TMEM131: variants seen among roughly 807,000 people sequenced by gnomAD.
The protein encoded by TMEM131 is 2610524E03Rik.
Under a neutral mutation model 211.6 loss-of-function variants are expected in TMEM131, and 66 were observed. The ratio of observed to expected loss-of-function variants is 0.31; its 90% CI spans 0.26 to 0.38. The LOEUF is 0.38. Among genes scored for constraint, TMEM131 ranks in the 10% least tolerant of loss-of-function variants. The probability of loss-of-function intolerance (pLI) is 1.00; values close to 1 mark genes in which losing one functional copy is unlikely to be tolerated. For synonymous variants in TMEM131, 844 were observed against 841.3 expected, an observed-to-expected ratio of 1.00 and a Z score of -0.06; for missense variants, 2,036 against 2,299.3, an observed-to-expected ratio of 0.89 and a Z score of 2.34.
Position 97,795,236 on chromosome 2 carries a change from T to C in TMEM131, c.3201-121A>G, listed in dbSNP as rs905749694. 19 of 607,314 alleles carry C rather than the reference T, an allele frequency of 3.1e-5. No homozygotes were observed. The African/African-American group carries it at 3.4e-4, about 11-fold the overall frequency. 37.6% of individuals were successfully genotyped at this position (607,314 alleles called of 1,614,324 possible). A position where few individuals can be genotyped will look rare whatever the true frequency, so the allele number is the denominator to read the frequency against. On this transcript the variant is annotated intron_variant, in intron 28 of 40. Coordinates refer to ENST00000186436, the MANE Select transcript of TMEM131 (RefSeq NM_015348.2). ...CAGAATTTGCGTTTGATACTTTTAC[T>C]CAACTTCCGTATTTTAAGATGAAAA... is the stretch of plus-strand genomic sequence containing the variant.
intron 2 of TMEM131, among the ~76,000 whole-genome samples, chr2:97,918,182 G>A (rs1266253194): frequency 2.0e-5 from 3 of 151,964 alleles, no homozygotes; most frequent in Non-Finnish European, 4.4e-5. Flanking sequence ...GACCACAGGC[G>A]ATCCACCGGC....
chr2:97,948,218 T>TA (rs537867278), intron 1 of TMEM131, among the ~76,000 whole-genome samples: 4 of 152,122 alleles, frequency 2.6e-5, no homozygotes, highest in Non-Finnish European at 5.9e-5. Flanking sequence ...ATTTTTTTTT[T>TA]AGCTTTTACT....
rs1559374911 is a variant in TMEM131, at chr2:97,812,498, C to G, written c.1786G>C (p.Val596Leu). The part of the protein sequence containing the change: ...GDGLSIELVA[V>L]ERGNRTTIIS... ...ATTGTAGTTCTATTGCCTCTTTCCACAGCTACAAGTTCTATTGATAAACCG... is the reference window on the plus strand; with the variant it reads ...ATTGTAGTTCTATTGCCTCTTTCCAGAGCTACAAGTTCTATTGATAAACCG... Residue 596 changes from valine (V) to leucine (L), a missense_variant, in exon 17 of 41, where the codon GTG becomes CTG. Physicochemically the swap from Val to Leu is conservative, Grantham distance 32. This residue lies in a region of TMEM131 where 1,623 missense variants were observed against 1,805.9 expected (regional missense o/e 0.90). Transcript: ENST00000186436. 1 of 1,612,892 alleles carries G rather than the reference C, an allele frequency of 6.2e-7. No homozygotes were observed. Among genetic ancestry groups the G allele is most frequent in the African/African-American group, 1.3e-5 (1 of 74,864 alleles).
intron 11 of TMEM131, among the ~76,000 whole-genome samples, chr2:97,827,085 AAAAAAAT>A (rs1158322269): frequency 3.3e-5 from 5 of 152,108 alleles, no homozygotes; most frequent in African/African-American, 9.7e-5. Flanking sequence ...AAAAAAAAAA[AAAAAAAT>A]TTTAAAATCC....
intron 36 of TMEM131, 132 bp downstream of exon 36, chr2:97,761,903 C>T (rs1214513921): frequency 1.8e-6 from 2 of 1,093,422 alleles, no homozygotes; most frequent in Non-Finnish European, 2.5e-6. Context: ...AAAGGGTCCA[C>T]ACAAGCTGGC....
At chr2:97,895,817 C>T (rs902768284) in intron 3 of TMEM131, among the ~76,000 whole-genome samples, 3 of 152,130 alleles carry the variant, frequency 2.0e-5, no homozygotes, top group Non-Finnish European at 2.9e-5. Flanking sequence ...AAAAACACAG[C>T]TCCTGGATTC....
At chr2:97,849,538 A>C (rs766853208) in intron 5 of TMEM131, among the ~76,000 whole-genome samples, 2 of 152,154 alleles carry the variant, frequency 1.3e-5, no homozygotes, top group Non-Finnish European at 2.9e-5. Flanking sequence ...TGAGTTGACC[A>C]AATTGTTGAT....
At chr2:97,970,679 C>A (rs1057395822) in intron 1 of TMEM131, among the ~76,000 whole-genome samples, 1 of 152,152 alleles carries the variant, frequency 6.6e-6, no homozygotes, top group African/African-American at 2.4e-5. Flanking sequence ...GGCTTCTGGT[C>A]CCAGGATTGT....
chr2:97,941,778 C>T (rs1677742283), intron 1 of TMEM131, among the ~76,000 whole-genome samples: 2 of 152,118 alleles, frequency 1.3e-5, no homozygotes, highest in South Asian at 2.1e-4. Context: ...CAATGCAATA[C>T]CATCTCACAC....
chr2:97,964,880 C>T (rs1017917233), intron 1 of TMEM131, among the ~76,000 whole-genome samples: 1 of 152,208 alleles, frequency 6.6e-6, no homozygotes, highest in Non-Finnish European at 1.5e-5. Context: ...TCTTTACAAC[C>T]TCAGTCTCTT....
At position 97,757,830 on chromosome 2, in the gene TMEM131, C is replaced by T. The variant is rs1018981686; in HGVS notation, c.5368-447G>A. ...TGCAATGGCAGTGGTGAAGCATGGC[C>T]TTCAGAGCCTCAAATAGTTACTATC... On this transcript the variant is annotated intron_variant, in intron 40 of 40. Coordinates refer to ENST00000186436, the MANE Select transcript of TMEM131 (RefSeq NM_015348.2). 3.9e-5 allele frequency among the ~76,000 whole-genome samples: 6 copies of T among 152,370 alleles called. No individual in the cohort carries two copies. The East Asian group carries it at 1.2e-3, about 29-fold the overall frequency.
intron 1 of TMEM131, among the ~76,000 whole-genome samples, chr2:97,972,801 A>G (rs1679365238): frequency 1.3e-5 from 2 of 152,146 alleles, no homozygotes; most frequent in African/African-American, 4.8e-5. Flanking sequence ...GCACATAAGG[A>G]GGACTCGGCC....
At chr2:97,883,199 G>A (rs1419587111) in intron 4 of TMEM131, among the ~76,000 whole-genome samples, 1 of 152,206 alleles carries the variant, frequency 6.6e-6, no homozygotes, top group African/African-American at 2.4e-5. Context: ...TCACATCAGA[G>A]ATTAGGTTTC....
In TMEM131 at chr2:97,995,890, A is replaced by AGAGGCCGCGGGTCAGGCGCGGC. The variant is rs1680494332; in HGVS notation, c.-250_-229dup. 2 of 234,854 alleles carry AGAGGCCGCGGGTCAGGCGCGGC rather than the reference A, an allele frequency of 8.5e-6. No homozygotes were observed. Among genetic ancestry groups the AGAGGCCGCGGGTCAGGCGCGGC allele is most frequent in the Admixed American group, 1.1e-4 (2 of 17,506 alleles). The allele number at this position is 234,854 out of a possible 1,614,324, so 14.5% of individuals were successfully genotyped here. On this transcript the variant is annotated 5_prime_UTR_variant, in exon 1 of 41. Transcript: ENST00000186436. The stretch of plus-strand genomic sequence containing the variant: ...CATCGCCTACAAGCAGTCGGAGCGG[A>AGAGGCCGCGGGTCAGGCGCGGC]GAGGCCGCGGGTCAGGCGCGGCGGG...
intron 1 of TMEM131, among the ~76,000 whole-genome samples, chr2:97,933,139 C>T (rs530382149): frequency 1.3e-5 from 2 of 152,236 alleles, no homozygotes; most frequent in South Asian, 4.1e-4. Context: ...TATGTTAGCA[C>T]AATGATTAAA....
At chr2:97,903,558 A>C (rs921646270) in intron 3 of TMEM131, among the ~76,000 whole-genome samples, 2 of 152,234 alleles carry the variant, frequency 1.3e-5, no homozygotes, top group Non-Finnish European at 2.9e-5. Context: ...AATGGAACAA[A>C]GAGACGCCAA....
intron 25 of TMEM131, among the ~76,000 whole-genome samples, chr2:97,798,396 T>C (rs939660795): frequency 2.0e-5 from 3 of 152,230 alleles, no homozygotes; most frequent in African/African-American, 4.8e-5. Context: ...AGGGTGCATT[T>C]TGTATTGTTT....
chr2:97,928,594 A>C (rs1011698105), intron 1 of TMEM131, among the ~76,000 whole-genome samples: 1 of 151,836 alleles, frequency 6.6e-6, no homozygotes, highest in East Asian at 1.9e-4. Context: ...GAGAGGGGAG[A>C]GTGCTCACCT....
At chr2:97,975,200 A>C (rs1369193873) in intron 1 of TMEM131, among the ~76,000 whole-genome samples, 1 of 152,140 alleles carries the variant, frequency 6.6e-6, no homozygotes, top group East Asian at 1.9e-4. Context: ...ATCCACCTTA[A>C]GAAACTAGAA....
Sources: gnomAD v4.1 joint callset for allele counts (sites outside exome capture counted in the v4.1 genomes callset) on GRCh38, gnomAD v4.1.1 for gene constraint, gnomAD v4.1.1 regional missense constraint, MANE v1.5 for transcripts, NCBI Gene and HGNC (gene_info 2026-07-23, HGNC 2026-07-21) for gene names.